PREX2: variants seen among roughly 807,000 people sequenced by gnomAD.
PREX2 encodes the protein phosphatidylinositol 3,4,5-trisphosphate-dependent Rac exchanger 2 protein.
In PREX2, 107 loss-of-function variants were observed where a neutral mutation model predicts 203.2. The observed-to-expected ratio is 0.53, with a 90% confidence interval of 0.45 to 0.62. The LOEUF is 0.62. Ranked by LOEUF, PREX2 falls within the 20% of genes least tolerant of loss-of-function variation. PREX2 has a pLI of 0.00. For missense variants in PREX2, 1,777 were observed against 1,955.9 expected (o/e 0.91, Z 1.72); for synonymous variants, 672 against 663.6 (o/e 1.01, Z -0.19).
intron 25 of PREX2, among the ~76,000 whole-genome samples, chr8:68,111,281 G>A (rs116461536): frequency 0.028 from 4,323 of 152,198 alleles, 202 homozygotes; most frequent in African/African-American, 0.098. Flanking sequence ...AGTCTTGTCA[G>A]TGGCAAGATT....
intron 13 of PREX2, among the ~76,000 whole-genome samples, chr8:68,071,381 G>A (rs991245754): frequency 7.2e-5 from 11 of 152,124 alleles, no homozygotes; most frequent in African/African-American, 2.4e-4. Flanking sequence ...AATAGACTAC[G>A]CTTTTTCTTC....
At position 68,097,186 on chromosome 8, in the gene PREX2, C is replaced by T. The variant is rs774006749; in HGVS notation, c.2538C>T (p.Phe846=). The T allele has an allele frequency of 6.8e-6, 11 of 1,612,428 alleles. No homozygotes were observed. Among genetic ancestry groups the T allele is most frequent in the Non-Finnish European group, 9.3e-6 (11 of 1,178,954 alleles). The change falls in exon 22 of 40, where the codon TTC becomes TTT. Residue 846 remains phenylalanine (F), a synonymous_variant. Transcript: ENST00000288368. ...VEKMIEPKGF[F]SLTAKILEAL... ...AGATGATTGAGCCCAAAGGTTTCTT[C>T]AGCTTAACTGCCAAGGTAGGAGCGA...
intron 1 of PREX2, among the ~76,000 whole-genome samples, chr8:67,954,283 T>C (rs917401825): frequency 1.3e-5 from 2 of 152,232 alleles, no homozygotes; most frequent in Non-Finnish European, 2.9e-5. Flanking sequence ...CATTTGTGCC[T>C]GTTTATGTTT....
At chr8:68,029,693 A>G (rs1807823936) in intron 5 of PREX2, among the ~76,000 whole-genome samples, 1 of 152,188 alleles carries the variant, frequency 6.6e-6, no homozygotes, top group South Asian at 2.1e-4. Flanking sequence ...CACATGACTA[A>G]TTAAAAAGCA....
intron 1 of PREX2, among the ~76,000 whole-genome samples, chr8:67,963,352 C>G (rs932784631): frequency 6.6e-6 from 1 of 152,134 alleles, no homozygotes; most frequent in Non-Finnish European, 1.5e-5. Context: ...TTTATTATTT[C>G]TTATTAAGAC....
At chr8:68,038,046 G>T in intron 6 of PREX2, 113 bp from the exon 7 acceptor site, 1 of 1,144,296 alleles carries the variant, frequency 8.7e-7, no homozygotes, top group East Asian at 2.4e-5. Context: ...ACTTTAGCCT[G>T]TGCATAGCTT....
At chr8:68,073,585 T>C (rs915508098) in intron 14 of PREX2, among the ~76,000 whole-genome samples, 1 of 152,226 alleles carries the variant, frequency 6.6e-6, no homozygotes, top group Non-Finnish European at 1.5e-5. Context: ...TCATAGCACT[T>C]ACATTTATTA....
At chr8:67,998,727 G>T (rs142833214) in intron 1 of PREX2, among the ~76,000 whole-genome samples, 1 of 152,296 alleles carries the variant, frequency 6.6e-6, no homozygotes, top group African/African-American at 2.4e-5. Context: ...CTATGACCAT[G>T]CCATTGTTCT....
chr8:68,116,261 T>C (rs1327419806), intron 26 of PREX2, among the ~76,000 whole-genome samples: 1 of 152,244 alleles, frequency 6.6e-6, no homozygotes, highest in Non-Finnish European at 1.5e-5. Context: ...TGTTTTCAAC[T>C]ATCTGTTTCT....
At chr8:68,204,664 T>C (rs1289829182) in intron 37 of PREX2, among the ~76,000 whole-genome samples, 3 of 150,592 alleles carry the variant, frequency 2.0e-5, no homozygotes, top group African/African-American at 7.3e-5. Context: ...TCTTTTCTTT[T>C]TTCTTTCTTC....
At chr8:68,229,320 A>G (rs965848988) in intron 39 of PREX2, among the ~76,000 whole-genome samples, 4 of 152,172 alleles carry the variant, frequency 2.6e-5, no homozygotes, top group Admixed American at 2.6e-4. Context: ...TGAGTATACA[A>G]AAGGGCCCCA....
At position 68,069,817 on chromosome 8, in the gene PREX2, T is replaced by G; in HGVS notation, c.1444-18T>G. 7.3e-7 allele frequency: 1 copy of G among 1,371,494 alleles called. No homozygotes were observed. The highest frequency in any genetic ancestry group is 1.0e-6 in the Non-Finnish European group (1 of 980,746). The allele number at this position is 1,371,494 out of a possible 1,614,324, so 85.0% of individuals were successfully genotyped here. A position where few individuals can be genotyped will look rare whatever the true frequency, so the allele number is the denominator to read the frequency against. Reference sequence around the variant, plus strand: ...TGGGTAATCTCACTTGTTTTTGATATATCTCTATTTTACGTAGGGTGTAAG... The same window carrying G: ...TGGGTAATCTCACTTGTTTTTGATAGATCTCTATTTTACGTAGGGTGTAAG... On this transcript the variant is annotated intron_variant, in intron 12 of 39. Transcript: ENST00000288368.
chr8:68,121,791 G>A lies in PREX2; in HGVS notation c.3724+742G>A, dbSNP rs550609178. Among the ~76,000 whole-genome samples, 4 of 152,292 alleles carry A rather than the reference G, an allele frequency of 2.6e-5. No individual in the cohort carries two copies. The South Asian group carries it at 6.2e-4, about 24-fold the overall frequency. ...TATTGGTTGTCACAATTGTGGGTGT[G>A]CTACTGACCTCTAGATAGAGGCCAG... On this transcript the variant is annotated intron_variant, in intron 30 of 39. Transcript: ENST00000288368.
At chr8:67,976,790 G>A (rs1326528782) in intron 1 of PREX2, among the ~76,000 whole-genome samples, 2 of 133,560 alleles carry the variant, frequency 1.5e-5, no homozygotes, top group African/African-American at 2.6e-5. Context: ...GAGACAGAGC[G>A]AGAGGGGAGA....
At chr8:68,152,337 G>T (rs1048585379) in intron 34 of PREX2, among the ~76,000 whole-genome samples, 1 of 148,380 alleles carries the variant, frequency 6.7e-6, no homozygotes, top group East Asian at 2.0e-4. Context: ...TTCCATTTGG[G>T]TTTTACACAA....
At chr8:68,190,813 A>G (rs1812277791) in intron 35 of PREX2, among the ~76,000 whole-genome samples, 1 of 151,762 alleles carries the variant, frequency 6.6e-6, no homozygotes, top group Admixed American at 6.6e-5. Context: ...ACCATCACTA[A>G]AAAAAATAGA....
chr8:67,952,540 G>T lies in PREX2; in HGVS notation c.141+5G>T. On this transcript the variant is annotated splice_donor_5th_base_variant and intron_variant, in intron 1 of 39. Coordinates refer to ENST00000288368, the MANE Select transcript of PREX2 (RefSeq NM_024870.4). ...ACGCTGGAGTTCCTGGTGTCGGTGA[G>T]TGTCCCCGGCAGACGCAGGGGGACG... 1 of 1,608,770 alleles carries T rather than the reference G, an allele frequency of 6.2e-7. No homozygotes were observed. Among genetic ancestry groups the T allele is most frequent in the Non-Finnish European group, 8.5e-7 (1 of 1,177,668 alleles).
At chr8:68,210,712 T>C (rs1194349446) in intron 37 of PREX2, among the ~76,000 whole-genome samples, 1 of 152,194 alleles carries the variant, frequency 6.6e-6, no homozygotes, top group East Asian at 1.9e-4. Flanking sequence ...AGTAGGCTTC[T>C]GGAGGTTTTG....
chr8:68,094,648 A>G (rs1468180696), intron 21 of PREX2, among the ~76,000 whole-genome samples: 1 of 152,254 alleles, frequency 6.6e-6, no homozygotes, highest in Admixed American at 6.5e-5. Context: ...CCTCCCAACC[A>G]GCACAGCTGG....
Sources: gnomAD v4.1 joint callset for allele counts (sites outside exome capture counted in the v4.1 genomes callset) on GRCh38, gnomAD v4.1.1 for gene constraint, MANE v1.5 for transcripts, NCBI Gene and HGNC (gene_info 2026-07-23, HGNC 2026-07-21) for gene names.